Variants in SPOCK3 observed in about 807,000 individuals in gnomAD.
SPOCK3 encodes testican-3.
Under a neutral mutation model 56.6 loss-of-function variants are expected in SPOCK3, and 30 were observed. The ratio of observed to expected loss-of-function variants is 0.53; its 90% CI spans 0.40 to 0.72. The LOEUF is 0.72. SPOCK3 is among the 30% of genes least tolerant of loss of function. The pLI, the probability that SPOCK3 is intolerant of heterozygous loss-of-function variation, is 0.00. For missense variants in SPOCK3, 527 were observed against 530.0 expected, an observed-to-expected ratio of 0.99 and a Z score of 0.06; for synonymous variants, 196 against 183.3, an observed-to-expected ratio of 1.07 and a Z score of -0.56.
chr4:167,145,615 G>A (rs1023382570), intron 2 of SPOCK3, among the ~76,000 whole-genome samples: 1 of 151,740 alleles, frequency 6.6e-6, no homozygotes, highest in African/African-American at 2.4e-5. Flanking sequence ...AACTGAAGAG[G>A]GTATTTCAAT....
At chr4:166,862,562 T>C (rs1226362294) in intron 6 of SPOCK3, among the ~76,000 whole-genome samples, 1 of 152,084 alleles carries the variant, frequency 6.6e-6, no homozygotes. Context: ...CTTTTACAAA[T>C]ATTTGTCATG....
intron 2 of SPOCK3, among the ~76,000 whole-genome samples, chr4:167,232,301 T>C (rs1275803822): frequency 6.6e-6 from 1 of 151,776 alleles, no homozygotes; most frequent in Non-Finnish European, 1.5e-5. Context: ...AAGATAGTAA[T>C]ACTCTTACAA....
At chr4:167,001,812 GA>G (rs1340614406) in intron 3 of SPOCK3, among the ~76,000 whole-genome samples, 1 of 152,156 alleles carries the variant, frequency 6.6e-6, no homozygotes, top group African/African-American at 2.4e-5. Flanking sequence ...GAAGTATTTG[GA>G]AGGGTTCCAG....
intron 6 of SPOCK3, among the ~76,000 whole-genome samples, chr4:166,852,109 G>A (rs1730178447): frequency 6.6e-6 from 1 of 151,432 alleles, no homozygotes; most frequent in Admixed American, 6.6e-5. Context: ...AGAACACATG[G>A]ACACAGGAAG....
intron 3 of SPOCK3, among the ~76,000 whole-genome samples, chr4:167,026,263 C>A (rs1020284906): frequency 1.3e-5 from 2 of 152,160 alleles, no homozygotes; most frequent in African/African-American, 4.8e-5. Context: ...AATCTCCTCA[C>A]TTTATGTAAT....
chr4:167,122,909 C>T (rs913447187), intron 2 of SPOCK3, among the ~76,000 whole-genome samples: 1 of 151,614 alleles, frequency 6.6e-6, no homozygotes, highest in African/African-American at 2.4e-5. Context: ...AATAGTAGTA[C>T]CAGCCTTAAA....
chr4:167,169,737 AT>A (rs1466983077), intron 2 of SPOCK3, among the ~76,000 whole-genome samples: 1 of 137,580 alleles, frequency 7.3e-6, no homozygotes, highest in Non-Finnish European at 1.5e-5. Flanking sequence ...CAGGGGAGGA[AT>A]AAATATGGTT....
chr4:166,749,526 T>C (rs77512456), intron 8 of SPOCK3, among the ~76,000 whole-genome samples: 1 of 151,764 alleles, frequency 6.6e-6, no homozygotes, highest in Non-Finnish European at 1.5e-5. Flanking sequence ...TTAGGAGAAA[T>C]ACCTATTGTA....
intron 2 of SPOCK3, among the ~76,000 whole-genome samples, chr4:167,172,430 G>A (rs1365288448): frequency 6.6e-6 from 1 of 152,086 alleles, no homozygotes; most frequent in Admixed American, 6.6e-5. Flanking sequence ...GGCAAAAGCT[G>A]CCCAATCCAA....
Position 166,897,725 on chromosome 4 carries a change from A to C in SPOCK3, c.475-8481T>G, listed in dbSNP as rs184380539. Reference sequence around the variant, plus strand: ...GGGATAAAATTTTCAGACCCTTCACAGTTCTAGTGGTTTTTGGCAACGATG... The same window carrying C: ...GGGATAAAATTTTCAGACCCTTCACCGTTCTAGTGGTTTTTGGCAACGATG... On this transcript the variant is annotated intron_variant, in intron 5 of 10. Coordinates refer to ENST00000357545, the MANE Select transcript of SPOCK3 (RefSeq NM_001040159.2). Among the ~76,000 whole-genome samples the C allele has an allele frequency of 5.1e-3, 777 of 152,248 alleles. 5 individuals carry two copies. The highest frequency in any genetic ancestry group is 7.8e-3 in the Non-Finnish European group (533 of 68,022).
chr4:166,906,780 T>C (rs1560995173), intron 5 of SPOCK3, among the ~76,000 whole-genome samples: 1 of 151,838 alleles, frequency 6.6e-6, no homozygotes, highest in Non-Finnish European at 1.5e-5. Flanking sequence ...CAAATAAAGG[T>C]AGTCACCACA....
chr4:167,187,270 G>GT (rs5863863), intron 2 of SPOCK3, among the ~76,000 whole-genome samples: 23,146 of 138,838 alleles, frequency 0.17, 1,826 homozygotes, highest in Admixed American at 0.22. Flanking sequence ...TAGGGTTCCA[G>GT]TTTTTTTTTT....
At chr4:166,948,263 T>C (rs919961878) in intron 4 of SPOCK3, among the ~76,000 whole-genome samples, 3 of 152,218 alleles carry the variant, frequency 2.0e-5, no homozygotes, top group African/African-American at 7.2e-5. Context: ...TATCTGTTGA[T>C]GAACACCTAG....
chr4:166,877,656 T>C (rs1733236323), intron 6 of SPOCK3, among the ~76,000 whole-genome samples: 1 of 152,168 alleles, frequency 6.6e-6, no homozygotes, highest in South Asian at 2.1e-4. Flanking sequence ...AAAGTTCTCA[T>C]TAACAGGTCA....
rs180785524 is a variant in SPOCK3, at chr4:166,965,596, G to A, written c.350+34753C>T. On this transcript the variant is annotated intron_variant, in intron 4 of 10. Coordinates refer to ENST00000357545, the MANE Select transcript of SPOCK3 (RefSeq NM_001040159.2). ...TTGTGGAATGTGTAATTTTTCTCTGGACATTCACTGGACTTCTCAGATCTA... is the reference window on the plus strand; with the variant it reads ...TTGTGGAATGTGTAATTTTTCTCTGAACATTCACTGGACTTCTCAGATCTA... 6.0e-5 allele frequency among the ~76,000 whole-genome samples: 9 copies of A among 151,228 alleles called. No homozygotes were observed. In the East Asian group the frequency reaches 1.7e-3, roughly 29 times the overall value.
chr4:166,917,825 A>ACCCAG (rs1434407638), intron 4 of SPOCK3, among the ~76,000 whole-genome samples: 1 of 152,040 alleles, frequency 6.6e-6, no homozygotes, highest in Non-Finnish European at 1.5e-5. Context: ...TTTACATATT[A>ACCCAG]CCCAGTCTCA....
At chr4:166,953,434 A>T (rs1192129676) in intron 4 of SPOCK3, among the ~76,000 whole-genome samples, 2 of 151,334 alleles carry the variant, frequency 1.3e-5, no homozygotes, top group Admixed American at 1.3e-4. Flanking sequence ...GTCAGGAAAC[A>T]ACAGGTGCTG....
At chr4:166,889,462 T>C (rs1734539765) in intron 5 of SPOCK3, among the ~76,000 whole-genome samples, 3 of 151,948 alleles carry the variant, frequency 2.0e-5, no homozygotes, top group Admixed American at 2.0e-4. Context: ...GGGTATCATT[T>C]TGGTGAACAG....
chr4:167,159,831 A>T (rs1765130480), intron 2 of SPOCK3, among the ~76,000 whole-genome samples: 1 of 152,182 alleles, frequency 6.6e-6, no homozygotes, highest in Non-Finnish European at 1.5e-5. Flanking sequence ...CCTTCAATAA[A>T]ATTCAACATC....
Sources: gnomAD v4.1 joint callset for allele counts (sites outside exome capture counted in the v4.1 genomes callset) on GRCh38, gnomAD v4.1.1 for gene constraint, MANE v1.5 for transcripts, NCBI Gene and HGNC (gene_info 2026-07-23, HGNC 2026-07-21) for gene names.